Variants in BNC2 observed in about 807,000 individuals in gnomAD.
BNC2 encodes the protein basonuclin zinc finger protein 2.
BNC2 carries 20 observed loss-of-function variants against 76.3 expected under a neutral mutation model. The ratio of observed to expected loss-of-function variants is 0.26; its 90% confidence interval spans 0.18 to 0.38. The LOEUF is 0.38. Ranked by LOEUF, BNC2 falls within the 10% of genes least tolerant of loss-of-function variation. The pLI is 1.00. For missense variants in BNC2, 1,382 were observed against 1,399.8 expected (o/e 0.99, Z 0.20); for synonymous variants, 582 against 514.8 (o/e 1.13, Z -1.77).
chr9:16,503,110 G>C (rs763630292), intron 5 of BNC2, among the ~76,000 whole-genome samples: 22 of 152,134 alleles, frequency 1.4e-4, no homozygotes, highest in Admixed American at 1.3e-4. Flanking sequence ...TTGCTACAGA[G>C]AGTATTTGAA....
At chr9:16,590,141 G>C (rs955638384) in intron 3 of BNC2, among the ~76,000 whole-genome samples, 5 of 151,994 alleles carry the variant, frequency 3.3e-5, no homozygotes, top group Non-Finnish European at 5.9e-5. Context: ...AAAAGAAAAT[G>C]CATCACAATA....
At chr9:16,561,402 A>G (rs1055453118) in intron 4 of BNC2, among the ~76,000 whole-genome samples, 1 of 152,180 alleles carries the variant, frequency 6.6e-6, no homozygotes, top group African/African-American at 2.4e-5. Flanking sequence ...CTCCACTGGG[A>G]CATGACTTAA....
At chr9:16,710,231 T>C (rs1197794197) in intron 3 of BNC2, among the ~76,000 whole-genome samples, 1 of 152,212 alleles carries the variant, frequency 6.6e-6, no homozygotes, top group African/African-American at 2.4e-5. Context: ...CCAGTTTCTA[T>C]TGGTTAAACA....
In BNC2 at chr9:16,552,511, G is replaced by A. The variant is rs184393858; in HGVS notation, c.669+19C>T. On this transcript the variant is annotated intron_variant, in intron 5 of 6. Coordinates refer to ENST00000380672, the MANE Select transcript of BNC2 (RefSeq NM_017637.6). Reference sequence around the variant, plus strand: ...ACAGTCGGCCCCGGACACGGGCGGCGTTCAAGTCCTCTCCCTACCTGAAGG... The same window carrying A: ...ACAGTCGGCCCCGGACACGGGCGGCATTCAAGTCCTCTCCCTACCTGAAGG... 303 of 1,610,720 alleles carry A rather than the reference G, an allele frequency of 1.9e-4. 1 individual carries two copies. The Middle Eastern group carries it at 3.3e-3, about 18-fold the overall frequency.
intron 1 of BNC2, among the ~76,000 whole-genome samples, chr9:16,761,663 T>C (rs1825555184): frequency 6.6e-6 from 1 of 152,210 alleles, no homozygotes; most frequent in Non-Finnish European, 1.5e-5. Flanking sequence ...GAAAACCAAA[T>C]AATAAATGAT....
intron 4 of BNC2, chr9:16,580,006 T>G: frequency 2.5e-6 from 1 of 398,006 alleles, no homozygotes; most frequent in Non-Finnish European, 4.4e-6. Flanking sequence ...TTCCATGCAT[T>G]TCAGAGGAAA....
intron 5 of BNC2, among the ~76,000 whole-genome samples, chr9:16,449,881 G>T (rs938453028): frequency 2.0e-5 from 3 of 151,692 alleles, no homozygotes; most frequent in African/African-American, 7.3e-5. Flanking sequence ...CCAATATGAT[G>T]ACCTGAATAC....
intron 2 of BNC2, among the ~76,000 whole-genome samples, chr9:16,729,587 AAAG>A: frequency 1.3e-5 from 2 of 152,302 alleles, no homozygotes; most frequent in South Asian, 4.2e-4. Flanking sequence ...AAAAGTCTCA[AAAG>A]AAGCAAATTC....
rs143713178 is a variant in BNC2 at position 16,756,355 on chromosome 9, A to G, written c.4-17870T>C. The stretch of plus-strand genomic sequence containing the variant: ...CACCCCACATGCAGTCAACCTCCAA[A>G]TCTTTCTAGTTTATCTCCTAACTGT... On this transcript the variant is annotated intron_variant, in intron 1 of 6. Transcript: ENST00000380672. Among the ~76,000 whole-genome samples, 360 of 152,106 alleles carry G rather than the reference A, an allele frequency of 2.4e-3. 1 individual carries two copies. The highest frequency in any genetic ancestry group is 7.8e-3 in the African/African-American group (325 of 41,484).
At chr9:16,677,653 G>A (rs977763378) in intron 3 of BNC2, among the ~76,000 whole-genome samples, 5 of 149,974 alleles carry the variant, frequency 3.3e-5, no homozygotes, top group Admixed American at 2.0e-4. Context: ...CTTCAAACAC[G>A]TCTCAAGTTA....
intron 1 of BNC2, among the ~76,000 whole-genome samples, chr9:16,803,067 C>T (rs1817821577): frequency 6.6e-6 from 1 of 152,152 alleles, no homozygotes; most frequent in African/African-American, 2.4e-5. Flanking sequence ...TCTAAATGGC[C>T]ATCTGTTTTA....
intron 1 of BNC2, among the ~76,000 whole-genome samples, chr9:16,856,769 T>G (rs148226756): frequency 0.012 from 1,868 of 152,310 alleles, 97 homozygotes; most frequent in Admixed American, 0.089. Flanking sequence ...ATCACCATTT[T>G]GAATCAGAGA....
At chr9:16,739,694 G>A (rs745922422) in intron 1 of BNC2, among the ~76,000 whole-genome samples, 13 of 151,910 alleles carry the variant, frequency 8.6e-5, no homozygotes, top group Non-Finnish European at 1.8e-4. Context: ...CAATAATCTG[G>A]GTAAATTACT....
At chr9:16,762,885 G>A (rs563585211) in intron 1 of BNC2, among the ~76,000 whole-genome samples, 6 of 152,246 alleles carry the variant, frequency 3.9e-5, no homozygotes, top group African/African-American at 1.4e-4. Context: ...TACTTAAAGT[G>A]CTTTAATGAC....
intron 5 of BNC2, among the ~76,000 whole-genome samples, chr9:16,469,721 T>C (rs1019707260): frequency 6.6e-6 from 1 of 152,198 alleles, no homozygotes; most frequent in African/African-American, 2.4e-5. Context: ...TGGAACTTCC[T>C]AGAGATGTGT....
In BNC2 at chr9:16,414,042, C is replaced by G. The variant is rs994026597; in HGVS notation, c.*4947G>C. 6.6e-6 allele frequency: 1 copy of G among 152,170 alleles called. No individual in the cohort carries two copies. Among genetic ancestry groups the G allele is most frequent in the Non-Finnish European group, 1.5e-5 (1 of 68,042 alleles). 9.4% of individuals were successfully genotyped at this position (152,170 alleles called of 1,614,324 possible). On this transcript the variant is annotated 3_prime_UTR_variant, in exon 7 of 7. Coordinates refer to ENST00000380672, the MANE Select transcript of BNC2 (RefSeq NM_017637.6). The stretch of plus-strand genomic sequence containing the variant: ...TCTTTCGGTTCTCAGGGGATTCCAG[C>G]AACACTTCCCACTCAAAAACAAAGC...
chr9:16,524,992 G>A (rs917462340), intron 5 of BNC2, among the ~76,000 whole-genome samples: 4 of 150,294 alleles, frequency 2.7e-5, no homozygotes, highest in African/African-American at 9.7e-5. Context: ...AGGATCACTT[G>A]AGCCTGAAAG....
At chr9:16,672,300 G>A (rs1042139917) in intron 3 of BNC2, among the ~76,000 whole-genome samples, 19 of 152,148 alleles carry the variant, frequency 1.2e-4, no homozygotes, top group African/African-American at 4.1e-4. Flanking sequence ...GATCCAGACG[G>A]TCCTGGCTAA....
At chr9:16,506,504 CTCTCT>C in intron 5 of BNC2, among the ~76,000 whole-genome samples, 1 of 128,714 alleles carries the variant, frequency 7.8e-6, no homozygotes, top group Non-Finnish European at 1.6e-5. Flanking sequence ...TTCTCTCTCT[CTCTCT>C]CCTCTTTTTT....
Sources: gnomAD v4.1 joint callset for allele counts (sites outside exome capture counted in the v4.1 genomes callset) on GRCh38, gnomAD v4.1.1 for gene constraint, MANE v1.5 for transcripts, NCBI Gene and HGNC (gene_info 2026-07-23, HGNC 2026-07-21) for gene names.